The following TFDP2 variants were observed in gnomAD, a reference collection of about 807,000 sequenced individuals.
TFDP2 encodes the protein transcription factor Dp-2, also known as transcription factor Dp-2 (E2F dimerization partner 2).
Under a neutral mutation model 59.3 loss-of-function variants are expected in TFDP2, and 17 were observed. The ratio of observed to expected loss-of-function variants is 0.29; its 90% confidence interval spans 0.20 to 0.43. The LOEUF (loss-of-function observed/expected upper bound fraction) is 0.43, where lower values mean the gene tolerates loss of function less well. Ranked by LOEUF, TFDP2 falls within the 20% of genes least tolerant of loss-of-function variation. TFDP2 has a pLI of 1.00. For missense variants in TFDP2, 391 were observed against 528.8 expected, an observed-to-expected ratio of 0.74 and a Z score of 2.56; for synonymous variants, 180 against 194.7, an observed-to-expected ratio of 0.92 and a Z score of 0.63.
rs149444125 is a variant in TFDP2, at chr3:142,069,207, C to T, written c.82+23854G>A. ...GGGATTACAGGAGTGAGACACCGCG[C>T]GCGGTTTCTTTTGTTAATTCAATGT... On this transcript the variant is annotated intron_variant, in intron 3 of 12. Coordinates refer to ENST00000489671, the MANE Select transcript of TFDP2 (RefSeq NM_001178139.2). Among the ~76,000 whole-genome samples, 103 of 152,198 alleles carry T rather than the reference C, an allele frequency of 6.8e-4. 1 individual carries two copies. Among genetic ancestry groups the T allele is most frequent in the Admixed American group, 3.8e-3 (58 of 15,282 alleles).
rs568970500 is a variant in TFDP2 at position 141,968,302 on chromosome 3, AATAT to A, written c.732+1767_732+1770del. ...ATATATAACAATATATATAATATAT[AATAT>A]ATATAACTATATATAACATATAATA... On this transcript the variant is annotated intron_variant, in intron 9 of 12. Coordinates refer to ENST00000489671, the MANE Select transcript of TFDP2 (RefSeq NM_001178139.2). Among the ~76,000 whole-genome samples the A allele has an allele frequency of 9.9e-3, 1,276 of 128,546 alleles. 54 individuals carry two copies. Among genetic ancestry groups the A allele is most frequent in the African/African-American group, 0.037 (1,232 of 33,664 alleles). 84.3% of individuals were successfully genotyped at this position (128,546 alleles called of 152,430 possible).
rs79501182 is a variant in TFDP2, at chr3:142,123,055, A to G, written c.-92-21214T>C. ...TCACTGCAACCAACTTTCACCTCCC[A>G]AGCTCAAGCAATTCTCCTGTCTCAG... On this transcript the variant is annotated intron_variant, in intron 1 of 12. Coordinates refer to ENST00000489671, the MANE Select transcript of TFDP2 (RefSeq NM_001178139.2). 7.2e-3 allele frequency among the ~76,000 whole-genome samples: 1,098 copies of G among 151,780 alleles called. 14 individuals are homozygous for G. The highest frequency in any genetic ancestry group is 0.024 in the African/African-American group (1,014 of 41,400).
chr3:141,980,612 AGCT>A lies in TFDP2; in HGVS notation c.357-1933_357-1931del, dbSNP rs1295608921. Among the ~76,000 whole-genome samples, 3 of 152,178 alleles carry A rather than the reference AGCT, an allele frequency of 2.0e-5. No homozygotes were observed. The East Asian group carries it at 5.8e-4, about 29-fold the overall frequency. ...GGCTGGAGTGCAGTGGTATGATCTC[AGCT>A]CACTGAGAAACCCGGGTTCAAGTGA... On this transcript the variant is annotated intron_variant, in intron 6 of 12. Coordinates refer to ENST00000489671, the MANE Select transcript of TFDP2 (RefSeq NM_001178139.2).
chr3:142,080,026 C>G (rs1042927199), intron 3 of TFDP2, among the ~76,000 whole-genome samples: 2 of 152,168 alleles, frequency 1.3e-5, no homozygotes, highest in Non-Finnish European at 2.9e-5. Flanking sequence ...TGCAGTGGCA[C>G]GATCTCGGCT....
rs1935515649 is a variant in TFDP2, at chr3:141,948,552, A to G, written c.*3961T>C. On this transcript the variant is annotated 3_prime_UTR_variant, in exon 13 of 13. Transcript: ENST00000489671. The stretch of plus-strand genomic sequence containing the variant: ...GCAAGACTCCGTCTCAAAAAAAAAA[A>G]AAAGCTAAATAGGCTCCCCACCGTG... 6.6e-6 allele frequency: 1 copy of G among 152,168 alleles called. No homozygotes were observed. The highest frequency in any genetic ancestry group is 1.5e-5 in the Non-Finnish European group (1 of 68,512). 9.4% of individuals were successfully genotyped at this position (152,168 alleles called of 1,614,324 possible).
intron 1 of TFDP2, among the ~76,000 whole-genome samples, chr3:142,146,954 G>A (rs2063201652): frequency 6.6e-6 from 1 of 151,622 alleles, no homozygotes. Flanking sequence ...CAAACATGGC[G>A]AGGTGTGTGC....
intron 6 of TFDP2, among the ~76,000 whole-genome samples, chr3:141,989,893 AATTATT>A (rs1357180642): frequency 6.9e-6 from 1 of 145,488 alleles, no homozygotes; most frequent in Non-Finnish European, 1.5e-5. Flanking sequence ...TAATAATAAT[AATTATT>A]ATTATTATTA....
At chr3:142,080,715 A>G (rs2060610122) in intron 3 of TFDP2, among the ~76,000 whole-genome samples, 1 of 152,244 alleles carries the variant, frequency 6.6e-6, no homozygotes, top group Non-Finnish European at 1.5e-5. Flanking sequence ...CAGATAAAAC[A>G]GACTTCAAGA....
At chr3:141,975,762 G>A (rs776190926) in intron 7 of TFDP2, among the ~76,000 whole-genome samples, 2 of 152,000 alleles carry the variant, frequency 1.3e-5, no homozygotes, top group Non-Finnish European at 2.9e-5. Context: ...GTACTGGGAG[G>A]AGGCAATGTG....
At chr3:142,050,491 C>G (rs529068589) in intron 3 of TFDP2, among the ~76,000 whole-genome samples, 1 of 151,600 alleles carries the variant, frequency 6.6e-6, no homozygotes, top group East Asian at 2.0e-4. Flanking sequence ...GTCAGGAGAT[C>G]GAGACCATCC....
chr3:142,113,756 C>T (rs746983145), intron 1 of TFDP2, among the ~76,000 whole-genome samples: 1 of 152,066 alleles, frequency 6.6e-6, no homozygotes, highest in Non-Finnish European at 1.5e-5. Context: ...ATTTCTAATG[C>T]TTATTTAGAA....
rs71629518 is a variant in TFDP2, at chr3:141,948,541, C to CAA, written c.*3970_*3971dup. The CAA allele has an allele frequency of 5.3e-4, 71 of 133,410 alleles. No individual in the cohort carries two copies. The highest frequency in any genetic ancestry group is 1.7e-3 in the South Asian group (7 of 4,142). The allele number at this position is 133,410 out of a possible 1,614,324, so 8.3% of individuals were successfully genotyped here. A position where few individuals can be genotyped will look rare whatever the true frequency, so the allele number is the denominator to read the frequency against. Reference sequence around the variant, plus strand: ...CTGGCGACAGAGCAAGACTCCGTCTCAAAAAAAAAAAAAAGCTAAATAGGC... The same window carrying CAA: ...CTGGCGACAGAGCAAGACTCCGTCTCAAAAAAAAAAAAAAAAGCTAAATAGGC... On this transcript the variant is annotated 3_prime_UTR_variant, in exon 13 of 13. Transcript: ENST00000489671.
At chr3:142,139,959 G>A (rs980904976) in intron 1 of TFDP2, among the ~76,000 whole-genome samples, 1 of 152,202 alleles carries the variant, frequency 6.6e-6, no homozygotes, top group African/African-American at 2.4e-5. Context: ...CCTGAAGAGT[G>A]TTTTCCAACT....
intron 6 of TFDP2, among the ~76,000 whole-genome samples, chr3:141,982,623 C>T (rs1377596465): frequency 2.0e-5 from 3 of 152,114 alleles, no homozygotes; most frequent in African/African-American, 7.2e-5. Flanking sequence ...TGGTTTCGGG[C>T]AATCACTTAG....
intron 3 of TFDP2, among the ~76,000 whole-genome samples, chr3:142,045,964 G>A (rs768532570): frequency 4.6e-5 from 7 of 152,092 alleles, no homozygotes; most frequent in Non-Finnish European, 8.8e-5. Flanking sequence ...CTAGTATTGA[G>A]CAGTCACATA....
Position 141,945,728 on chromosome 3 carries a change from G to A in TFDP2, c.*6785C>T, listed in dbSNP as rs919167756. The A allele has an allele frequency of 3.3e-5, 5 of 152,244 alleles. No homozygotes were observed. Among genetic ancestry groups the A allele is most frequent in the East Asian group, 3.8e-4 (2 of 5,196 alleles). 9.4% of individuals were successfully genotyped at this position (152,244 alleles called of 1,614,324 possible). On this transcript the variant is annotated 3_prime_UTR_variant, in exon 13 of 13. Transcript: ENST00000489671. ...AACAAGCACAATCGCCAGGCCATGTGACATGAAGCTCGGCCATGGTGAAGT... is the reference window on the plus strand; with the variant it reads ...AACAAGCACAATCGCCAGGCCATGTAACATGAAGCTCGGCCATGGTGAAGT...
intron 3 of TFDP2, among the ~76,000 whole-genome samples, chr3:142,072,576 G>T (rs992307620): frequency 6.6e-6 from 1 of 152,116 alleles, no homozygotes; most frequent in African/African-American, 2.4e-5. Context: ...TCTGAGGACC[G>T]GGCAGGAAAT....
At chr3:141,968,143 T>G (rs570129590) in intron 9 of TFDP2, among the ~76,000 whole-genome samples, 2 of 147,702 alleles carry the variant, frequency 1.4e-5, no homozygotes, top group East Asian at 3.9e-4. Flanking sequence ...GAGGAGTGTT[T>G]GGTAGAATTC....
intron 3 of TFDP2, among the ~76,000 whole-genome samples, chr3:142,017,306 CCAACA>C (rs1294550544): frequency 6.6e-6 from 1 of 152,184 alleles, no homozygotes; most frequent in Non-Finnish European, 1.5e-5. Context: ...CTAGGTGTCT[CCAACA>C]CTAGCATACA....
Sources: allele counts gnomAD v4.1 joint callset (sites outside exome capture counted in the v4.1 genomes callset), GRCh38; gene constraint gnomAD v4.1.1; transcripts MANE v1.5; gene names NCBI Gene and HGNC (gene_info 2026-07-23, HGNC 2026-07-21).